Variants in TAS2R1 observed in about 807,000 individuals in gnomAD.
TAS2R1 encodes the protein taste 2 receptor member 1.
For missense variants in TAS2R1, 370 were observed against 353.4 expected, an observed-to-expected ratio of 1.05 and a Z score of -0.38; for synonymous variants, 141 against 134.2, an observed-to-expected ratio of 1.05 and a Z score of -0.35.
chr5:9,852,971 T>C, the TAS2R1 span, among the ~76,000 whole-genome samples: 1 of 152,126 alleles, frequency 6.6e-6, no homozygotes, highest in African/African-American at 2.4e-5. Context: ...GTATAGAAAA[T>C]GTTTTGGCAC....
the TAS2R1 span, among the ~76,000 whole-genome samples, chr5:9,808,702 T>C: frequency 2.0e-5 from 3 of 152,080 alleles, no homozygotes; most frequent in African/African-American, 7.2e-5. Flanking sequence ...ACATATACCA[T>C]TCCTCAGAGG....
intron 1 of TAS2R1, among the ~76,000 whole-genome samples, chr5:9,711,558 G>C (rs895752593): frequency 6.6e-6 from 1 of 152,166 alleles, no homozygotes; most frequent in Non-Finnish European, 1.5e-5. Context: ...TTTCAGTCAC[G>C]CAAGAGAAAA....
At chr5:9,679,350 G>C (rs1740951172) in intron 1 of TAS2R1, among the ~76,000 whole-genome samples, 1 of 152,140 alleles carries the variant, frequency 6.6e-6, no homozygotes, top group African/African-American at 2.4e-5. Context: ...TAGTGAATAT[G>C]AATTTAAAAG....
chr5:9,803,574 T>C, the TAS2R1 span, among the ~76,000 whole-genome samples: 1 of 152,236 alleles, frequency 6.6e-6, no homozygotes, highest in African/African-American at 2.4e-5. Flanking sequence ...TAGAAGGGAC[T>C]GGGGTCCTAT....
chr5:9,681,458 G>A (rs994006705), intron 1 of TAS2R1, among the ~76,000 whole-genome samples: 2 of 142,514 alleles, frequency 1.4e-5, no homozygotes, highest in African/African-American at 5.2e-5. Flanking sequence ...TTAGTACTGA[G>A]TACCATCTCT....
chr5:9,888,403 A>T, the TAS2R1 span, among the ~76,000 whole-genome samples: 1 of 152,176 alleles, frequency 6.6e-6, no homozygotes, highest in African/African-American at 2.4e-5. Context: ...CCAAAGCCCC[A>T]AAGACTTGAA....
the TAS2R1 span, among the ~76,000 whole-genome samples, chr5:9,734,411 G>A: frequency 2.0e-5 from 3 of 152,058 alleles, no homozygotes; most frequent in Non-Finnish European, 2.9e-5. Flanking sequence ...TGAAATGAAC[G>A]GACTCTAATA....
the TAS2R1 span, among the ~76,000 whole-genome samples, chr5:9,834,037 C>T: frequency 4.6e-5 from 7 of 152,192 alleles, no homozygotes; most frequent in Admixed American, 2.6e-4. Context: ...TTGTTCAGTA[C>T]GGAGATGGAT....
At chr5:9,746,955 C>T in the TAS2R1 span, among the ~76,000 whole-genome samples, 25 of 151,940 alleles carry the variant, frequency 1.6e-4, no homozygotes, top group Admixed American at 3.9e-4. Flanking sequence ...AAAAAGAAAA[C>T]ACCCAGGGTA....
At chr5:9,762,819 C>G in the TAS2R1 span, among the ~76,000 whole-genome samples, 6 of 152,146 alleles carry the variant, frequency 3.9e-5, no homozygotes, top group African/African-American at 1.4e-4. Context: ...TTCCCTGCCT[C>G]TAAACTTACT....
the TAS2R1 span, among the ~76,000 whole-genome samples, chr5:9,885,474 C>T: frequency 6.6e-6 from 1 of 152,162 alleles, no homozygotes; most frequent in Non-Finnish European, 1.5e-5. Context: ...CTATAATAAA[C>T]CATAACTTTG....
the TAS2R1 span, among the ~76,000 whole-genome samples, chr5:9,790,478 C>T: frequency 3.3e-5 from 5 of 152,194 alleles, no homozygotes; most frequent in Non-Finnish European, 7.3e-5. Flanking sequence ...TGTGTCACGG[C>T]TGTTTCCCGT....
At chr5:9,689,627 C>G (rs1741195623) in intron 1 of TAS2R1, among the ~76,000 whole-genome samples, 1 of 152,080 alleles carries the variant, frequency 6.6e-6, no homozygotes, top group South Asian at 2.1e-4. Flanking sequence ...ATACATTTTT[C>G]AGGCTTGAGA....
upstream of TAS2R1, among the ~76,000 whole-genome samples, chr5:9,633,313 T>TA (rs1554051842): frequency 3.1e-5 from 4 of 128,988 alleles, no homozygotes; most frequent in African/African-American, 1.3e-4. Flanking sequence ...TATATATATA[T>TA]ATATATACAC....
chr5:9,813,816 T>C, the TAS2R1 span, among the ~76,000 whole-genome samples: 2 of 152,334 alleles, frequency 1.3e-5, no homozygotes, highest in Admixed American at 6.5e-5. Context: ...TCCTGCCACA[T>C]CTGTCTCTGC....
the TAS2R1 span, among the ~76,000 whole-genome samples, chr5:9,775,299 GTCAGGCCTGGGACTCTTCCT>G: frequency 1.3e-5 from 2 of 152,306 alleles, no homozygotes; most frequent in Admixed American, 1.3e-4. Context: ...GGTGAATGCT[GTCAGGCCTGGGACTCTTCCT>G]TCAGGACAGT....
chr5:9,804,068 C>T, the TAS2R1 span, among the ~76,000 whole-genome samples: 1 of 151,940 alleles, frequency 6.6e-6, no homozygotes, highest in African/African-American at 2.4e-5. Context: ...CCAATGGACA[C>T]CAAAAGAGAG....
chr5:9,773,444 G>A, the TAS2R1 span, among the ~76,000 whole-genome samples: 2 of 152,146 alleles, frequency 1.3e-5, no homozygotes, highest in East Asian at 3.9e-4. Context: ...TAAGATATGA[G>A]TAGTTTACAC....
At chr5:9,893,795 A>T in the TAS2R1 span, among the ~76,000 whole-genome samples, 1 of 152,010 alleles carries the variant, frequency 6.6e-6, no homozygotes. Flanking sequence ...ACTGAATAAG[A>T]CTCTGTGGGA....
Sources: allele counts gnomAD v4.1 joint callset (sites outside exome capture counted in the v4.1 genomes callset), GRCh38; gene constraint gnomAD v4.1.1; transcripts MANE v1.5; gene names NCBI Gene and HGNC (gene_info 2026-07-23, HGNC 2026-07-21).